The following POU4F2 variants were observed in gnomAD, a reference collection of about 807,000 sequenced individuals.
The protein encoded by POU4F2 is POU domain, class 4, transcription factor 2.
In POU4F2, 10 loss-of-function variants were observed where a neutral mutation model predicts 21.5. The ratio of observed to expected loss-of-function variants is 0.46; its 90% CI spans 0.29 to 0.79. The LOEUF (loss-of-function observed/expected upper bound fraction) is 0.79, where lower values mean the gene tolerates loss of function less well. Ranked by LOEUF, POU4F2 falls within the 30% of genes least tolerant of loss-of-function variation. The pLI is 0.10. For missense variants in POU4F2, 623 were observed against 603.3 expected (o/e 1.03, Z -0.34); for synonymous variants, 324 against 271.1 (o/e 1.20, Z -1.92).
At chr4:146,639,541 T>G in intron 1 of POU4F2, 113 bp downstream of exon 1, 1 of 1,358,788 alleles carries the variant, frequency 7.4e-7, no homozygotes, top group Non-Finnish European at 9.7e-7. Context: ...CCAACCAATT[T>G]TCCCCTCTCT....
At position 146,639,123 on chromosome 4, in the gene POU4F2, G is replaced by A. The variant is rs747178586; in HGVS notation, c.-18G>A. The stretch of plus-strand genomic sequence containing the variant: ...CCAGTGAGTGCCTCTACGGACCAGC[G>A]CCCCGGCGGGCGGGAAGATGATGAT... On this transcript the variant is annotated 5_prime_UTR_variant, in exon 1 of 2. Coordinates refer to ENST00000281321, the MANE Select transcript of POU4F2 (RefSeq NM_004575.3). 1.9e-6 allele frequency: 3 copies of A among 1,600,398 alleles called. No individual in the cohort carries two copies. The highest frequency in any genetic ancestry group is 2.3e-5 in the East Asian group (1 of 43,288).
chr4:146,639,946 G>A lies in POU4F2; in HGVS notation c.368G>A (p.Ser123Asn). Reference protein sequence around the residue: ...ALAAVDIVSQSKSHHHHPPHH... With the variant: ...ALAAVDIVSQNKSHHHHPPHH... Reference sequence around the variant, plus strand: ...GCAGCCGTGGACATCGTCTCCCAGAGCAAGAGCCACCACCACCATCCACCC... The same window carrying A: ...GCAGCCGTGGACATCGTCTCCCAGAACAAGAGCCACCACCACCATCCACCC... The change falls in exon 2 of 2, where the codon AGC becomes AAC. Residue 123 changes from serine to asparagine, a missense_variant. Ser to Asn is a conservative substitution (Grantham distance 46). Coordinates refer to ENST00000281321, the MANE Select transcript of POU4F2 (RefSeq NM_004575.3). The A allele has an allele frequency of 6.2e-7, 1 of 1,606,772 alleles. No individual in the cohort carries two copies.
chr4:146,638,912 T>A lies in POU4F2; in HGVS notation c.-229T>A. On this transcript the variant is annotated 5_prime_UTR_variant, in exon 1 of 2. Transcript: ENST00000281321. ...GGGGGCAGTTTCGGGTGCCGAGGTC[T>A]GCAGCTAGCGGCAAGCGGAGTCAGG... The A allele has an allele frequency of 1.8e-6, 1 of 564,016 alleles. No individual in the cohort carries two copies. Among genetic ancestry groups the A allele is most frequent in the Non-Finnish European group, 3.0e-6 (1 of 336,156 alleles). 34.9% of individuals were successfully genotyped at this position (564,016 alleles called of 1,614,324 possible). A position where few individuals can be genotyped will look rare whatever the true frequency, so the allele number is the denominator to read the frequency against.
intron 1 of POU4F2, 21 bp downstream of exon 1, chr4:146,639,449 A>G (rs754914975): frequency 2.1e-6 from 3 of 1,450,720 alleles, no homozygotes; most frequent in South Asian, 1.6e-5. Flanking sequence ...CTGCATAATC[A>G]CCGCTTAAAG....
At position 146,640,838 on chromosome 4, in the gene POU4F2, T is replaced by A. The variant is rs370553185; in HGVS notation, c.*30T>A. On this transcript the variant is annotated 3_prime_UTR_variant, in exon 2 of 2. Coordinates refer to ENST00000281321, the MANE Select transcript of POU4F2 (RefSeq NM_004575.3). The surrounding 1 kb of genome is among the most constrained non-coding windows in gnomAD (Gnocchi z 4.8). ...CTCTTGGCCTCTCCAGAGACGCCCC[T>A]TTCCTCGTCCGCTCTTTTCTCTCCT... The A allele has an allele frequency of 1.3e-6, 2 of 1,535,860 alleles. No individual in the cohort carries two copies. The highest frequency in any genetic ancestry group is 2.8e-5 in the African/African-American group (2 of 72,098).
Position 146,640,428 on chromosome 4 carries a change from G to T in POU4F2, c.850G>T (p.Ala284Ser), listed in dbSNP as rs868264728. ...VTQADVGSAL[A>S]NLKIPGVGSL... is the part of the protein sequence containing the mutation. ...CCAGGCAGATGTGGGCTCCGCGCTG[G>T]CCAACCTCAAGATCCCCGGCGTGGG... is the stretch of plus-strand genomic sequence containing the variant. The change falls in exon 2 of 2, where the codon GCC (alanine) becomes TCC (serine). Residue 284 changes from alanine (A) to serine (S), a missense_variant. Transcript: ENST00000281321. The surrounding 1 kb of genome is among the most constrained non-coding windows in gnomAD (Gnocchi z 4.8). The T allele has an allele frequency of 1.2e-6, 2 of 1,612,592 alleles. No homozygotes were observed. The highest frequency in any genetic ancestry group is 1.1e-5 in the South Asian group (1 of 91,080).
chr4:146,639,317 C>T lies in POU4F2; in HGVS notation c.177C>T (p.Gly59=), dbSNP rs1049714453. The T allele has an allele frequency of 4.3e-4, 566 of 1,304,066 alleles. 3 individuals carry two copies. Among genetic ancestry groups the T allele is most frequent in the South Asian group, 1.0e-3 (64 of 63,630 alleles). 80.8% of individuals were successfully genotyped at this position (1,304,066 alleles called of 1,614,324 possible). A position where few individuals can be genotyped will look rare whatever the true frequency, so the allele number is the denominator to read the frequency against. The change falls in exon 1 of 2, where the codon GGC becomes GGT. Residue 59 remains glycine (G), a synonymous_variant. Transcript: ENST00000281321. The part of the protein sequence containing the change: ...SSSNAGGGGG[G]GGGGGGGGGR... ...GCAACGCTGGTGGTGGCGGCGGCGGCGGCGGCGGCGGCGGCGGCGGCGGAG... is the reference window on the plus strand; with the variant it reads ...GCAACGCTGGTGGTGGCGGCGGCGGTGGCGGCGGCGGCGGCGGCGGCGGAG...
intron 1 of POU4F2, 112 bp downstream of exon 1, chr4:146,639,540 T>A (rs1504360): frequency 0.83 from 1,131,206 of 1,361,464 alleles, 480,475 homozygotes; most frequent in Non-Finnish European, 0.87. Context: ...TCCAACCAAT[T>A]TTCCCCTCTC....
Position 146,640,031 on chromosome 4 carries a change from G to A in POU4F2, c.453G>A (p.Thr151=), listed in dbSNP as rs1441169506. ...ACACTATGAATACCATCCCGTGCAC[G>A]TCGGCCGCCTCTTCTTCATCGGTGC... The part of the protein sequence containing the change: ...TYHTMNTIPC[T]SAASSSSVPI... Residue 151 remains threonine (T), a synonymous_variant, in exon 2 of 2, where the codon ACG becomes ACA. Coordinates refer to ENST00000281321, the MANE Select transcript of POU4F2 (RefSeq NM_004575.3). The surrounding 1 kb of genome is among the most constrained non-coding windows in gnomAD (Gnocchi z 4.8). 4 of 1,610,414 alleles carry A rather than the reference G, an allele frequency of 2.5e-6. No individual in the cohort carries two copies. Among genetic ancestry groups the A allele is most frequent in the Non-Finnish European group, 2.5e-6 (3 of 1,179,780 alleles).
Position 146,639,115 on chromosome 4 carries a change from G to A in POU4F2, c.-26G>A. On this transcript the variant is annotated 5_prime_UTR_variant, in exon 1 of 2. Coordinates refer to ENST00000281321, the MANE Select transcript of POU4F2 (RefSeq NM_004575.3). ...AGCCGGGACCAGTGAGTGCCTCTAC[G>A]GACCAGCGCCCCGGCGGGCGGGAAG... 6.3e-7 allele frequency: 1 copy of A among 1,598,686 alleles called. No homozygotes were observed.
At position 146,641,700 on chromosome 4, in the gene POU4F2, T is replaced by G. The variant is rs910123464; in HGVS notation, c.*892T>G. 6.6e-6 allele frequency: 1 copy of G among 152,662 alleles called. No individual in the cohort carries two copies. The highest frequency in any genetic ancestry group is 1.5e-5 in the Non-Finnish European group (1 of 68,048). 9.5% of individuals were successfully genotyped at this position (152,662 alleles called of 1,614,324 possible). A position where few individuals can be genotyped will look rare whatever the true frequency, so the allele number is the denominator to read the frequency against. On this transcript the variant is annotated 3_prime_UTR_variant, in exon 2 of 2. Transcript: ENST00000281321. ...ATGAAGATTGTTTTTTTCTTTGTTT[T>G]TACTGGTAGTGTTCTGATTTGTGAG... is the stretch of plus-strand genomic sequence containing the variant.
At position 146,640,328 on chromosome 4, in the gene POU4F2, C is replaced by T. The variant is rs763016561; in HGVS notation, c.750C>T (p.Asp250=). 1.3e-6 allele frequency: 2 copies of T among 1,577,426 alleles called. No homozygotes were observed. Among genetic ancestry groups the T allele is most frequent in the Admixed American group, 1.7e-5 (1 of 58,132 alleles). ...CGTCGCACATGGGCTGCATGAGCGA[C>T]GTGGACGCCGACCCGCGGGACCTGG... The part of the protein sequence containing the change: ...GLPSHMGCMS[D]VDADPRDLEA... The change falls in exon 2 of 2, where the codon GAC becomes GAT. Residue 250 remains aspartate, a synonymous_variant. Transcript: ENST00000281321. This position sits in a 1 kb window ranked among gnomAD's most constrained non-coding sequence, Gnocchi z 4.8.
Position 146,640,145 on chromosome 4 carries a change from G to T in POU4F2, c.567G>T (p.Glu189Asp). The change falls in exon 2 of 2, where the codon GAG becomes GAT. Residue 189 changes from glutamate (E) to aspartate (D), a missense_variant. Around this residue, in one of 3 missense-constraint regions of POU4F2, gnomAD observed 523 missense variants for 504.1 expected, o/e 1.04. Coordinates refer to ENST00000281321, the MANE Select transcript of POU4F2 (RefSeq NM_004575.3). This position sits in a 1 kb window ranked among gnomAD's most constrained non-coding sequence, Gnocchi z 4.8. ...ACCACCAACCGCACCAGGCGCTGGA[G>T]GGCGAGCTGCTGGAGCACCTGAGTC... ...HHHHQPHQAL[E>D]GELLEHLSPG... 6.3e-7 allele frequency: 1 copy of T among 1,596,458 alleles called. No homozygotes were observed. Among genetic ancestry groups the T allele is most frequent in the East Asian group, 2.2e-5 (1 of 44,500 alleles).
rs143812023 is a variant in POU4F2 at position 146,640,799 on chromosome 4, C to A, written c.1221C>A (p.Ala407=). The change falls in exon 2 of 2, where the codon GCC becomes GCA. Residue 407 remains alanine, a synonymous_variant. Coordinates refer to ENST00000281321, the MANE Select transcript of POU4F2 (RefSeq NM_004575.3). The surrounding 1 kb of genome is among the most constrained non-coding windows in gnomAD (Gnocchi z 4.8). ...AACAGAAAAGAATGAAATATTCCGC[C>A]GGCATTTAGAAGACTCTTGGCCTCT... ...RQKQKRMKYS[A]GI The A allele has an allele frequency of 3.9e-5, 62 of 1,603,514 alleles. No individual in the cohort carries two copies. The highest frequency in any genetic ancestry group is 2.4e-5 in the Non-Finnish European group (28 of 1,175,218).
At chr4:146,639,506 C>T (rs1740827848) in intron 1 of POU4F2, 78 bp downstream of exon 1, 2 of 1,441,722 alleles carry the variant, frequency 1.4e-6, no homozygotes, top group Admixed American at 2.8e-5. Context: ...TTTTTCATGT[C>T]TGCACAGCAA....
Position 146,642,166 on chromosome 4 carries a change from A to T in POU4F2, c.*1358A>T, listed in dbSNP as rs1033874481. The T allele has an allele frequency of 2.0e-5, 3 of 152,668 alleles. No individual in the cohort carries two copies. The highest frequency in any genetic ancestry group is 7.2e-5 in the African/African-American group (3 of 41,458). 9.5% of individuals were successfully genotyped at this position (152,668 alleles called of 1,614,324 possible). On this transcript the variant is annotated 3_prime_UTR_variant, in exon 2 of 2. Transcript: ENST00000281321. ...TTGGAAAAATTCTTTTGGAACAAAA[A>T]ATTAGGTACATGATAACTGGTACCT...
chr4:146,639,997 C>T lies in POU4F2; in HGVS notation c.419C>T (p.Ala140Val). ...CACCACAGCCCCTTCAAACCGGACG[C>T]CACCTACCACACTATGAATACCATC... ...PPHHSPFKPD[A>V]TYHTMNTIPC... is the part of the protein sequence containing the mutation. The change falls in exon 2 of 2, where the codon GCC becomes GTC. Residue 140 changes from alanine (A) to valine (V), a missense_variant. Physicochemically the swap from Ala to Val is moderately conservative, Grantham distance 64 (BLOSUM62 0). Coordinates refer to ENST00000281321, the MANE Select transcript of POU4F2 (RefSeq NM_004575.3). 5 of 1,612,798 alleles carry T rather than the reference C, an allele frequency of 3.1e-6. No individual in the cohort carries two copies. Among genetic ancestry groups the T allele is most frequent in the Non-Finnish European group, 4.2e-6 (5 of 1,179,830 alleles).
In POU4F2 at chr4:146,639,029, T is replaced by C. The variant is rs566405740; in HGVS notation, c.-112T>C. ...GGAGGCGGCGGCGGGTGAGCTCAAC[T>C]TCGCACAGCCCTTCCCAGCTCCAGC... On this transcript the variant is annotated 5_prime_UTR_variant, in exon 1 of 2. Transcript: ENST00000281321. 43 of 1,296,774 alleles carry C rather than the reference T, an allele frequency of 3.3e-5. No homozygotes were observed. The highest frequency in any genetic ancestry group is 4.2e-5 in the Non-Finnish European group (41 of 972,028). 80.3% of individuals were successfully genotyped at this position (1,296,774 alleles called of 1,614,324 possible).
Position 146,639,211 on chromosome 4 carries a change from C to G in POU4F2, c.71C>G (p.Pro24Arg). ...CACGGCGGCAGCCTGCACGTGGAGC[C>G]CAAGTACTCGGCACTGCACAGCACC... ...MPHGGSLHVE[P>R]KYSALHSTSP... is the part of the protein sequence containing the mutation. The change falls in exon 1 of 2, where the codon CCC (proline) becomes CGC (arginine). Residue 24 changes from proline (P) to arginine (R), a missense_variant. Physicochemically the swap from Pro to Arg is moderately radical, Grantham distance 103 (BLOSUM62 -2). Coordinates refer to ENST00000281321, the MANE Select transcript of POU4F2 (RefSeq NM_004575.3). The G allele has an allele frequency of 6.2e-7, 1 of 1,607,236 alleles. No homozygotes were observed. Among genetic ancestry groups the G allele is most frequent in the Admixed American group, 1.7e-5 (1 of 59,468 alleles).
Sources: allele counts gnomAD v4.1 joint callset, GRCh38; gene constraint gnomAD v4.1.1; regional missense constraint gnomAD v4.1.1; non-coding constraint Gnocchi (gnomAD v3.1); transcripts MANE v1.5; gene names NCBI Gene and HGNC (gene_info 2026-07-23, HGNC 2026-07-21).